Variants in UNC13A observed in about 807,000 individuals in gnomAD.
UNC13A encodes the protein protein unc-13 homolog A.
A neutral mutation model predicts 219.7 loss-of-function variants in UNC13A; 61 were observed. The observed-to-expected ratio is 0.28, with a 90% confidence interval of 0.23 to 0.34. The LOEUF is 0.34. UNC13A is among the 10% of genes least tolerant of loss of function. UNC13A has a pLI of 1.00. For missense variants in UNC13A, 1,476 were observed against 2,270.3 expected, an observed-to-expected ratio of 0.65 and a Z score of 7.11; for synonymous variants, 920 against 884.6, an observed-to-expected ratio of 1.04 and a Z score of -0.71.
intron 12 of UNC13A, among the ~76,000 whole-genome samples, chr19:17,651,857 C>G (rs1427414412): frequency 1.3e-5 from 2 of 152,164 alleles, no homozygotes; most frequent in Non-Finnish European, 2.9e-5. Context: ...TATCGTGCTG[C>G]TATTTTAAAA....
At chr19:17,675,946 A>G (rs1397982101) in intron 2 of UNC13A, 66 bp downstream of exon 2, 3 of 1,533,574 alleles carry the variant, frequency 2.0e-6, no homozygotes, top group Non-Finnish European at 2.6e-6. Context: ...ACCCCCTCCC[A>G]GTCTCTCCAA....
chr19:17,646,083 C>T lies in UNC13A; in HGVS notation c.2073G>A (p.Lys691=), dbSNP rs770652161. 1.9e-6 allele frequency: 3 copies of T among 1,613,790 alleles called. No homozygotes were observed. The highest frequency in any genetic ancestry group is 2.5e-6 in the Non-Finnish European group (3 of 1,179,912). ...AGGGGTCACTGGATCCTGTCTTGTC[C>T]TTTGCCTGCAAGCCCTGGGCGCAGA... is the stretch of plus-strand genomic sequence containing the variant. The part of the protein sequence containing the change: ...TVVCAQGLQA[K]DKTGSSDPYV... Residue 691 remains lysine, a synonymous_variant, in exon 18 of 44, where the codon AAG becomes AAA. Coordinates refer to ENST00000519716, the MANE Select transcript of UNC13A (RefSeq NM_001080421.3).
At chr19:17,653,413 T>C (rs540283932) in intron 11 of UNC13A, among the ~76,000 whole-genome samples, 2 of 151,892 alleles carry the variant, frequency 1.3e-5, no homozygotes, top group African/African-American at 4.8e-5. Flanking sequence ...AGTGGCGCAA[T>C]CTCAGCTCAC....
At chr19:17,652,111 C>G (rs886635541) in intron 12 of UNC13A, among the ~76,000 whole-genome samples, 12 of 114,942 alleles carry the variant, frequency 1.0e-4, no homozygotes, top group African/African-American at 4.5e-4. Flanking sequence ...TCTGCTTTAT[C>G]TTACATTTAT....
chr19:17,682,144 G>A (rs2080031535), intron 1 of UNC13A, among the ~76,000 whole-genome samples: 1 of 152,092 alleles, frequency 6.6e-6, no homozygotes, highest in South Asian at 2.1e-4. Flanking sequence ...AGTAAAGACA[G>A]GGTTTCACCA....
At position 17,604,478 on chromosome 19, in the gene UNC13A, T is replaced by C. The variant is rs1175942725; in HGVS notation, c.*1576A>G. The stretch of plus-strand genomic sequence containing the variant: ...CCCAGGCCTGGAGCTCTTTTCTCTC[T>C]AGTAAGTGGTTCCCTCTCATTCTTC... On this transcript the variant is annotated 3_prime_UTR_variant, in exon 44 of 44. Coordinates refer to ENST00000519716, the MANE Select transcript of UNC13A (RefSeq NM_001080421.3). The C allele has an allele frequency of 3.3e-5, 5 of 152,220 alleles. No homozygotes were observed. The highest frequency in any genetic ancestry group is 1.2e-4 in the African/African-American group (5 of 41,424). The allele number at this position is 152,220 out of a possible 1,614,324, so 9.4% of individuals were successfully genotyped here. A position where few individuals can be genotyped will look rare whatever the true frequency, so the allele number is the denominator to read the frequency against.
intron 2 of UNC13A, among the ~76,000 whole-genome samples, chr19:17,675,097 G>T (rs971028979): frequency 1.3e-5 from 2 of 152,172 alleles, no homozygotes; most frequent in Admixed American, 6.5e-5. Flanking sequence ...GGAGGTCAAG[G>T]GGGGAGGATT....
chr19:17,664,303 C>G (rs888049669), intron 7 of UNC13A, among the ~76,000 whole-genome samples: 1 of 152,180 alleles, frequency 6.6e-6, no homozygotes, highest in Non-Finnish European at 1.5e-5. Context: ...TTTTATCATT[C>G]TACTCATTTT....
In UNC13A at chr19:17,656,077, G is replaced by A. The variant is rs1378821593; in HGVS notation, c.1089C>T (p.Asp363=). 4 of 1,553,810 alleles carry A rather than the reference G, an allele frequency of 2.6e-6. No individual in the cohort carries two copies. Among genetic ancestry groups the A allele is most frequent in the East Asian group, 2.4e-5 (1 of 41,140 alleles). Residue 363 remains aspartate (D), a synonymous_variant, in exon 10 of 44, where the codon GAC becomes GAT. Transcript: ENST00000519716. ...DDLGSYAQRE[D]VAVAEPKDFK... The stretch of plus-strand genomic sequence containing the variant: ...AGTCTTTGGGCTCAGCCACAGCTAC[G>A]TCTTCACGCTGGGCATAGCTGCCCA...
At position 17,606,363 on chromosome 19, in the gene UNC13A, G is replaced by T; in HGVS notation, c.4812-9C>A. ...CGTCGGCGCTCAGCGTGCTGCGTGG[G>T]GAGGGGCGGAACGTGAGACAGGCCA... is the stretch of plus-strand genomic sequence containing the variant. On this transcript the variant is annotated splice_polypyrimidine_tract_variant and intron_variant, in intron 43 of 43. Transcript: ENST00000519716. 2 of 1,541,060 alleles carry T rather than the reference G, an allele frequency of 1.3e-6. No homozygotes were observed.
At chr19:17,652,161 C>T (rs1268511099) in intron 12 of UNC13A, among the ~76,000 whole-genome samples, 1 of 151,846 alleles carries the variant, frequency 6.6e-6, no homozygotes, top group African/African-American at 2.4e-5. Flanking sequence ...AGACAGTGTC[C>T]CGCTCTGTCT....
Position 17,624,966 on chromosome 19 carries a change from G to A in UNC13A, c.4074-14C>T. ...AAGAGGGTCAGGCTGGGGACGAGGGGCAGGTCTGAGAGAGGGCCCAGCTCG... is the reference window on the plus strand; with the variant it reads ...AAGAGGGTCAGGCTGGGGACGAGGGACAGGTCTGAGAGAGGGCCCAGCTCG... On this transcript the variant is annotated splice_polypyrimidine_tract_variant and intron_variant, in intron 34 of 43. Coordinates refer to ENST00000519716, the MANE Select transcript of UNC13A (RefSeq NM_001080421.3). The A allele has an allele frequency of 1.2e-6, 2 of 1,610,836 alleles. No individual in the cohort carries two copies. The highest frequency in any genetic ancestry group is 2.2e-5 in the East Asian group (1 of 44,846).
At chr19:17,617,926 C>T (rs1246987298) in intron 40 of UNC13A, 77 bp from the exon 41 acceptor site, 12 of 1,558,380 alleles carry the variant, frequency 7.7e-6, no homozygotes, top group Non-Finnish European at 1.0e-5. Flanking sequence ...GCCCTGCTGT[C>T]CCCACTCCCA....
At chr19:17,632,003 T>C (rs1235288865) in intron 28 of UNC13A, among the ~76,000 whole-genome samples, 1 of 152,150 alleles carries the variant, frequency 6.6e-6, no homozygotes, top group Non-Finnish European at 1.5e-5. Context: ...CTCCGCCTCC[T>C]GGGTTCAAGC....
intron 3 of UNC13A, among the ~76,000 whole-genome samples, chr19:17,673,963 A>T (rs1292760716): frequency 6.6e-6 from 1 of 152,222 alleles, no homozygotes; most frequent in Non-Finnish European, 1.5e-5. Flanking sequence ...GTGAGCCGAG[A>T]TTATGCCACT....
chr19:17,616,991 C>T (rs2076673173), intron 41 of UNC13A, among the ~76,000 whole-genome samples: 1 of 152,168 alleles, frequency 6.6e-6, no homozygotes, highest in African/African-American at 2.4e-5. Flanking sequence ...AAGCAAAATA[C>T]AGAGAGAAAG....
intron 5 of UNC13A, 44 bp downstream of exon 5, chr19:17,669,509 A>ACTGGGG (rs764482511): frequency 1.5e-4 from 235 of 1,602,300 alleles, no homozygotes; most frequent in Non-Finnish European, 1.9e-4. Context: ...TGAGTCCACA[A>ACTGGGG]CTGGGGCTGG....
In UNC13A at chr19:17,648,424, C is replaced by T; in HGVS notation, c.1816+7G>A. 6.3e-7 allele frequency: 1 copy of T among 1,578,442 alleles called. No homozygotes were observed. Among genetic ancestry groups the T allele is most frequent in the Non-Finnish European group, 8.6e-7 (1 of 1,168,060 alleles). On this transcript the variant is annotated splice_region_variant and intron_variant, in intron 16 of 43. Transcript: ENST00000519716. Reference sequence around the variant, plus strand: ...CCCGTGGCCCTGCGCTCAGGCCCTGCGCTCACGCTGCAGGCAGTCGGCGTT... The same window carrying T: ...CCCGTGGCCCTGCGCTCAGGCCCTGTGCTCACGCTGCAGGCAGTCGGCGTT...
At chr19:17,631,593 C>T (rs2076855758) in intron 28 of UNC13A, among the ~76,000 whole-genome samples, 1 of 152,048 alleles carries the variant, frequency 6.6e-6, no homozygotes. Context: ...CAGAGAACGA[C>T]ACCACAATTC....
Sources: allele counts gnomAD v4.1 joint callset (sites outside exome capture counted in the v4.1 genomes callset), GRCh38; gene constraint gnomAD v4.1.1; transcripts MANE v1.5; gene names NCBI Gene and HGNC (gene_info 2026-07-23, HGNC 2026-07-21).